The following ZNF710 variants were observed in gnomAD, a reference collection of about 807,000 sequenced individuals.
ZNF710 encodes zinc finger protein 710.
In ZNF710, 13 loss-of-function variants were observed where a neutral mutation model predicts 50.6. The observed-to-expected ratio is 0.26, with a 90% CI of 0.17 to 0.41. The LOEUF is 0.41. Ranked by LOEUF, ZNF710 falls within the 10% of genes least tolerant of loss-of-function variation. The probability of loss-of-function intolerance (pLI) is 1.00; values close to 1 mark genes in which losing one functional copy is unlikely to be tolerated. For synonymous variants in ZNF710, 383 were observed against 397.0 expected (o/e 0.96, Z 0.42); for missense variants, 721 against 936.6 (o/e 0.77, Z 3.01).
intron 1 of ZNF710, among the ~76,000 whole-genome samples, chr15:90,048,792 C>G (rs571758868): frequency 6.6e-6 from 1 of 152,186 alleles, no homozygotes; most frequent in Admixed American, 6.5e-5. Flanking sequence ...ACAGAAGATG[C>G]CTTCCCGCCT....
At chr15:90,058,072 T>C (rs1899880152) in intron 1 of ZNF710, among the ~76,000 whole-genome samples, 1 of 152,070 alleles carries the variant, frequency 6.6e-6, no homozygotes, top group South Asian at 2.1e-4. Flanking sequence ...GAGGCGTGGC[T>C]CCCAGGTCAG....
chr15:90,071,800 T>A (rs2151534103), intron 2 of ZNF710, among the ~76,000 whole-genome samples: 1 of 151,180 alleles, frequency 6.6e-6, no homozygotes, highest in South Asian at 2.1e-4. Flanking sequence ...TGCCTCAGCC[T>A]CCTGAGTAGC....
Position 90,067,860 on chromosome 15 carries a change from G to A in ZNF710, c.723G>A (p.Lys241=), listed in dbSNP as rs1900236752. The stretch of plus-strand genomic sequence containing the variant: ...GCATGGAGTCCCCGGAGCCTGTCAA[G>A]CCGGAACAGGGCTTCGTGTGGCAGG... ...APSMESPEPV[K]PEQGFVWQEA... Residue 241 remains lysine, a synonymous_variant, in exon 2 of 5, where the codon AAG becomes AAA. Coordinates refer to ENST00000268154, the MANE Select transcript of ZNF710 (RefSeq NM_198526.4). This position sits in a 1 kb window ranked among gnomAD's most constrained non-coding sequence, Gnocchi z 8.1. The A allele has an allele frequency of 6.2e-7, 1 of 1,604,852 alleles. No homozygotes were observed. Among genetic ancestry groups the A allele is most frequent in the South Asian group, 1.1e-5 (1 of 90,514 alleles).
chr15:90,047,254 G>A (rs1399636833), intron 1 of ZNF710, among the ~76,000 whole-genome samples: 2 of 152,230 alleles, frequency 1.3e-5, no homozygotes, highest in African/African-American at 4.8e-5. Flanking sequence ...TAACTAACGT[G>A]TGGCCCAGGC....
chr15:90,006,883 G>C (rs1221440112), intron 1 of ZNF710: 1 of 154,796 alleles, frequency 6.5e-6, no homozygotes, highest in East Asian at 1.9e-4. Context: ...TGAAATGACA[G>C]GTTCTCAGCT....
At position 90,059,599 on chromosome 15, in the gene ZNF710, G is replaced by A. The variant is rs1056363316; in HGVS notation, c.-28-7511G>A. On this transcript the variant is annotated intron_variant, in intron 1 of 4. Coordinates refer to ENST00000268154, the MANE Select transcript of ZNF710 (RefSeq NM_198526.4). This position sits in a 1 kb window ranked among gnomAD's most constrained non-coding sequence, Gnocchi z 4.1. ...GGGGAAGCAAGGCAGAGACAGGATC[G>A]CAGGAGGAAGAGACTCTCGAACTTC... Among the ~76,000 whole-genome samples the A allele has an allele frequency of 3.9e-5, 6 of 152,050 alleles. No individual in the cohort carries two copies. Among genetic ancestry groups the A allele is most frequent in the East Asian group, 1.9e-4 (1 of 5,172 alleles).
chr15:90,074,070 AAG>A, intron 3 of ZNF710, 44 bp from the exon 4 acceptor site: 1 of 1,570,988 alleles, frequency 6.4e-7, no homozygotes, highest in Non-Finnish European at 8.6e-7. Context: ...GGTCCGGGGA[AAG>A]CAGGTTCCCC....
intron 1 of ZNF710, among the ~76,000 whole-genome samples, chr15:90,057,611 C>A (rs1053285504): frequency 6.6e-6 from 1 of 151,678 alleles, no homozygotes; most frequent in Non-Finnish European, 1.5e-5. Context: ...GCACGAGAAT[C>A]GCTTGAAGCC....
At chr15:90,070,404 A>G (rs1900337979) in intron 2 of ZNF710, among the ~76,000 whole-genome samples, 1 of 151,412 alleles carries the variant, frequency 6.6e-6, no homozygotes, top group South Asian at 2.1e-4. Context: ...GCTGGATGCA[A>G]TGGCTAACAG....
intron 1 of ZNF710, among the ~76,000 whole-genome samples, chr15:90,015,181 G>A (rs1044277841): frequency 3.9e-5 from 6 of 152,196 alleles, no homozygotes; most frequent in Admixed American, 2.6e-4. Flanking sequence ...ATGAGCCACT[G>A]CGCCTGGCCC....
chr15:90,037,862 C>T (rs1872591880), intron 1 of ZNF710, among the ~76,000 whole-genome samples: 2 of 152,210 alleles, frequency 1.3e-5, no homozygotes, highest in South Asian at 4.1e-4. Context: ...AATACGGTCG[C>T]TAGGCTTCCA....
chr15:90,015,174 A>G (rs1898418222), intron 1 of ZNF710, among the ~76,000 whole-genome samples: 2 of 152,208 alleles, frequency 1.3e-5, no homozygotes, highest in Non-Finnish European at 2.9e-5. Context: ...TACAGGCATG[A>G]GCCACTGCGC....
intron 2 of ZNF710, among the ~76,000 whole-genome samples, chr15:90,071,384 G>A (rs1278226598): frequency 1.3e-5 from 2 of 152,080 alleles, no homozygotes; most frequent in Non-Finnish European, 2.9e-5. Context: ...TGTACAATGT[G>A]CACATCATGT....
At chr15:90,075,874 G>A (rs1900576152) in intron 4 of ZNF710, 1 of 152,218 alleles carries the variant, frequency 6.6e-6, no homozygotes, top group South Asian at 2.1e-4. Flanking sequence ...GGATCTTGCT[G>A]GCCTCTCAGC....
intron 4 of ZNF710, chr15:90,075,659 T>G (rs921169308): frequency 6.6e-6 from 1 of 152,254 alleles, no homozygotes; most frequent in African/African-American, 2.4e-5. Flanking sequence ...ACAGCTGCAG[T>G]AGCTTAACTC....
rs568120909 is a variant in ZNF710 at position 90,039,152 on chromosome 15, G to A, written c.-28-27958G>A. Among the ~76,000 whole-genome samples the A allele has an allele frequency of 7.2e-5, 11 of 152,070 alleles. No homozygotes were observed. The East Asian group carries it at 7.8e-4, about 11-fold the overall frequency. On this transcript the variant is annotated intron_variant, in intron 1 of 4. Transcript: ENST00000268154. ...AAATTAGCCAGGCGTGGTGGCAGGC[G>A]CCTGTAACCCCAGCTACTCGGGAGG...
rs979242915 is a variant in ZNF710 at position 90,068,928 on chromosome 15, A to G, written c.1458+333A>G. Among the ~76,000 whole-genome samples, 2 of 152,040 alleles carry G rather than the reference A, an allele frequency of 1.3e-5. No individual in the cohort carries two copies. The highest frequency in any genetic ancestry group is 2.9e-5 in the Non-Finnish European group (2 of 67,992). On this transcript the variant is annotated intron_variant, in intron 2 of 4. Coordinates refer to ENST00000268154, the MANE Select transcript of ZNF710 (RefSeq NM_198526.4). The surrounding 1 kb of genome is among the most constrained non-coding windows in gnomAD (Gnocchi z 5.0). ...GGCAAAATAATGAGACCCCATCGCT[A>G]CAAAAAAATTTAAACATGGCTAGGC...
rs1596275430 is a variant in ZNF710 at position 90,029,946 on chromosome 15, C to G, written c.-29+28332C>G. On this transcript the variant is annotated intron_variant, in intron 1 of 4. Coordinates refer to ENST00000268154, the MANE Select transcript of ZNF710 (RefSeq NM_198526.4). ...CTTTTTAGTAATTAAAAAGATCAAG[C>G]TTGATAATCACAATCATATGAGCAG... Among the ~76,000 whole-genome samples the G allele has an allele frequency of 2.0e-5, 3 of 151,972 alleles. No homozygotes were observed. In the South Asian group the frequency reaches 6.2e-4, roughly 31 times the overall value.
rs1898837729 is a variant in ZNF710 at position 90,028,323 on chromosome 15, A to C, written c.-29+26709A>C. On this transcript the variant is annotated intron_variant, in intron 1 of 4. Transcript: ENST00000268154. ...TAGTTCCGCATACAAATCCTCTGTC[A>C]CCCAGAACTTAGCAATCTGAATGCA... Among the ~76,000 whole-genome samples, 3 of 152,162 alleles carry C rather than the reference A, an allele frequency of 2.0e-5. 1 individual carries two copies. In the South Asian group the frequency reaches 6.2e-4, roughly 32 times the overall value.
Sources: gnomAD v4.1 joint callset for allele counts (sites outside exome capture counted in the v4.1 genomes callset) on GRCh38, gnomAD v4.1.1 for gene constraint, Gnocchi (gnomAD v3.1) non-coding constraint, MANE v1.5 for transcripts, NCBI Gene and HGNC (gene_info 2026-07-23, HGNC 2026-07-21) for gene names.